Variants in DOCK3 observed in about 807,000 individuals in gnomAD.
DOCK3 encodes dedicator of cytokinesis protein 3.
DOCK3 carries 60 observed loss-of-function variants against 265.6 expected under a neutral mutation model. The observed-to-expected ratio is 0.23, with a 90% CI of 0.18 to 0.28. The LOEUF (loss-of-function observed/expected upper bound fraction) is 0.28. Among genes scored for constraint, DOCK3 ranks in the 10% least tolerant of loss-of-function variants. The pLI, the probability that DOCK3 is intolerant of heterozygous loss-of-function variation, is 1.00. For missense variants in DOCK3, 1,981 were observed against 2,594.3 expected, an observed-to-expected ratio of 0.76 and a Z score of 5.14; for synonymous variants, 881 against 938.0, an observed-to-expected ratio of 0.94 and a Z score of 1.11.
rs1475502840 is a variant in DOCK3, at chr3:51,332,858, T to C, written c.3489-143T>C. 8 of 952,990 alleles carry C rather than the reference T, an allele frequency of 8.4e-6. No homozygotes were observed. The East Asian group carries it at 2.1e-4, about 25-fold the overall frequency. 59.0% of individuals were successfully genotyped at this position (952,990 alleles called of 1,614,324 possible). On this transcript the variant is annotated intron_variant, in intron 33 of 52. Coordinates refer to ENST00000266037, the MANE Select transcript of DOCK3 (RefSeq NM_004947.5). ...AGAGAAGTGAGTTACAGTGTATGCC[T>C]AAGGTGGCTGGAGCCGAACCCCTCC...
rs1483046817 is a variant in DOCK3, at chr3:51,291,336, AAAAAG to A, written c.2922+11142_2922+11146del. ...TAAATGAAATGGACACTAAAAAAAG[AAAAAG>A]AAAAGAAAAATCACCTAAACAAGTT... On this transcript the variant is annotated intron_variant, in intron 27 of 52. Coordinates refer to ENST00000266037, the MANE Select transcript of DOCK3 (RefSeq NM_004947.5). Among the ~76,000 whole-genome samples, 40 of 152,280 alleles carry A rather than the reference AAAAAG, an allele frequency of 2.6e-4. 1 individual carries two copies. In the East Asian group the frequency reaches 6.0e-3, roughly 23 times the overall value.
At chr3:50,949,231 C>A (rs1463547396) in intron 5 of DOCK3, among the ~76,000 whole-genome samples, 1 of 152,080 alleles carries the variant, frequency 6.6e-6, no homozygotes, top group Non-Finnish European at 1.5e-5. Context: ...ACACTAATCC[C>A]AGAGTGGGAG....
rs2081571405 is a variant in DOCK3, at chr3:51,288,903, G to GT, written c.2922+8699_2922+8700insT. On this transcript the variant is annotated intron_variant, in intron 27 of 52. Coordinates refer to ENST00000266037, the MANE Select transcript of DOCK3 (RefSeq NM_004947.5). ...TTGTGTGGGTGTGTGTGTGTGTGTG[G>GT]GTGTGTGTGTGTGTGTGTGTGTGCC... Among the ~76,000 whole-genome samples, 101 of 144,236 alleles carry GT rather than the reference G, an allele frequency of 7.0e-4. 1 individual carries two copies. The highest frequency in any genetic ancestry group is 1.3e-3 in the Non-Finnish European group (83 of 64,926). 94.6% of individuals were successfully genotyped at this position (144,236 alleles called of 152,430 possible).
intron 43 of DOCK3, 147 bp from the exon 44 acceptor site, chr3:51,356,815 A>G: frequency 1.1e-6 from 1 of 944,174 alleles, no homozygotes; most frequent in Non-Finnish European, 1.6e-6. Context: ...AAATCAGACA[A>G]CAGAAGTGGA....
intron 27 of DOCK3, among the ~76,000 whole-genome samples, chr3:51,308,271 G>C (rs1396148537): frequency 6.7e-6 from 1 of 150,140 alleles, no homozygotes; most frequent in African/African-American, 2.5e-5. Flanking sequence ...CGCAGAGGGG[G>C]ATTTGGCAGG....
intron 32 of DOCK3, among the ~76,000 whole-genome samples, chr3:51,317,161 C>CT (rs534155961): frequency 6.0e-5 from 9 of 150,412 alleles, no homozygotes; most frequent in Middle Eastern, 3.5e-3. Flanking sequence ...GGATCAGGTT[C>CT]TTTTTTTTAT....
intron 10 of DOCK3, among the ~76,000 whole-genome samples, chr3:51,157,605 G>A (rs141053594): frequency 6.6e-6 from 1 of 152,184 alleles, no homozygotes; most frequent in Admixed American, 6.5e-5. Flanking sequence ...TTAATAGGGC[G>A]AGGCTGGGAC....
intron 3 of DOCK3, among the ~76,000 whole-genome samples, chr3:50,883,703 G>T (rs1290389492): frequency 6.6e-6 from 1 of 151,974 alleles, no homozygotes; most frequent in African/African-American, 2.4e-5. Context: ...GAAAATTATA[G>T]AAATTTGTAT....
chr3:50,798,816 C>G (rs772879926), intron 2 of DOCK3, among the ~76,000 whole-genome samples: 10 of 152,048 alleles, frequency 6.6e-5, no homozygotes, highest in Non-Finnish European at 1.5e-4. Flanking sequence ...TGTCCTGAAG[C>G]ATTTCTCCTG....
chr3:51,186,235 G>T (rs931963012), intron 12 of DOCK3, among the ~76,000 whole-genome samples: 2 of 152,198 alleles, frequency 1.3e-5, no homozygotes, highest in Non-Finnish European at 2.9e-5. Flanking sequence ...CTGGAGCAAA[G>T]ATGACTTTTG....
chr3:50,778,076 T>A (rs2041709258), intron 1 of DOCK3, among the ~76,000 whole-genome samples: 1 of 152,170 alleles, frequency 6.6e-6, no homozygotes, highest in Non-Finnish European at 1.5e-5. Flanking sequence ...TACTTTGAGG[T>A]AAGATGGGGC....
At chr3:51,145,965 A>G (rs2085280835) in intron 9 of DOCK3, among the ~76,000 whole-genome samples, 3 of 152,152 alleles carry the variant, frequency 2.0e-5, no homozygotes, top group Admixed American at 2.0e-4. Context: ...CGCCTGTGAA[A>G]ATCTAATGCC....
chr3:50,941,089 C>T (rs981849381), intron 5 of DOCK3, among the ~76,000 whole-genome samples: 21 of 152,126 alleles, frequency 1.4e-4, no homozygotes, highest in African/African-American at 4.6e-4. Context: ...CTATCAAAAC[C>T]AAAATTTTTG....
intron 3 of DOCK3, among the ~76,000 whole-genome samples, chr3:50,886,956 GAA>G (rs1553693943): frequency 2.0e-5 from 3 of 151,962 alleles, no homozygotes; most frequent in Non-Finnish European, 4.4e-5. Flanking sequence ...AAAAGAACTA[GAA>G]AAGCAAGAGC....
intron 27 of DOCK3, among the ~76,000 whole-genome samples, chr3:51,309,311 C>T (rs2082913662): frequency 6.6e-6 from 1 of 152,210 alleles, no homozygotes; most frequent in Non-Finnish European, 1.5e-5. Context: ...ACTGAGTGAA[C>T]GAGACTCCGT....
chr3:50,987,752 C>T (rs1161340848), intron 5 of DOCK3, among the ~76,000 whole-genome samples: 1 of 152,200 alleles, frequency 6.6e-6, no homozygotes, highest in East Asian at 1.9e-4. Context: ...AGGGGAACCT[C>T]TCCGGTCCAG....
intron 1 of DOCK3, among the ~76,000 whole-genome samples, chr3:50,694,070 A>G (rs2035445564): frequency 6.6e-6 from 1 of 151,542 alleles, no homozygotes; most frequent in Non-Finnish European, 1.5e-5. Flanking sequence ...GGAGTTTCAG[A>G]CCAGCCTGGC....
intron 27 of DOCK3, among the ~76,000 whole-genome samples, chr3:51,296,987 G>T (rs894939846): frequency 6.6e-6 from 1 of 151,346 alleles, no homozygotes; most frequent in Non-Finnish European, 1.5e-5. Flanking sequence ...GCATGGTGGC[G>T]GGCACTTGTA....
At chr3:51,026,238 T>C (rs544887141) in intron 5 of DOCK3, among the ~76,000 whole-genome samples, 28 of 152,286 alleles carry the variant, frequency 1.8e-4, no homozygotes, top group African/African-American at 6.7e-4. Context: ...GATGGTCATA[T>C]GTTTTTTTTT....
Sources: allele counts gnomAD v4.1 joint callset (sites outside exome capture counted in the v4.1 genomes callset), GRCh38; gene constraint gnomAD v4.1.1; transcripts MANE v1.5; gene names NCBI Gene and HGNC (gene_info 2026-07-23, HGNC 2026-07-21).